ENPEP: variants seen among roughly 807,000 people sequenced by gnomAD.
ENPEP encodes AP-A.
In ENPEP, 103 loss-of-function variants were observed where a neutral mutation model predicts 114.5. That is an observed-to-expected ratio of 0.90 (90% confidence interval 0.77 to 1.06). ENPEP has a LOEUF of 1.06. ENPEP is among the 50% of genes least tolerant of loss of function. The pLI, the probability that ENPEP is intolerant of heterozygous loss-of-function variation, is 0.00. For synonymous variants in ENPEP, 420 were observed against 422.0 expected, an observed-to-expected ratio of 1.00 and a Z score of 0.06; for missense variants, 1,196 against 1,161.3, an observed-to-expected ratio of 1.03 and a Z score of -0.43.
At chr4:110,482,115 A>G (rs28420976) in intron 1 of ENPEP, among the ~76,000 whole-genome samples, 43,176 of 152,112 alleles carry the variant, frequency 0.28, 6,530 homozygotes, top group Non-Finnish European at 0.32. Context: ...TTTTGGATAC[A>G]GATGGCAAAA....
At chr4:110,503,150 C>T (rs959410338) in intron 3 of ENPEP, among the ~76,000 whole-genome samples, 3 of 152,028 alleles carry the variant, frequency 2.0e-5, no homozygotes, top group Non-Finnish European at 2.9e-5. Flanking sequence ...TGAGAATATG[C>T]AGTGTTTGGT....
intron 10 of ENPEP, among the ~76,000 whole-genome samples, chr4:110,524,992 T>A: frequency 6.6e-6 from 1 of 152,266 alleles, no homozygotes; most frequent in East Asian, 1.9e-4. Flanking sequence ...GCTCAAGCGA[T>A]CCTCCTGCCT....
chr4:110,551,841 G>T (rs1427419918), intron 17 of ENPEP, among the ~76,000 whole-genome samples: 1 of 152,148 alleles, frequency 6.6e-6, no homozygotes, highest in Non-Finnish European at 1.5e-5. Context: ...TGCACAGGGA[G>T]ACATGCCACC....
At chr4:110,505,694 T>G (rs1578399162) in intron 3 of ENPEP, among the ~76,000 whole-genome samples, 1 of 152,356 alleles carries the variant, frequency 6.6e-6, no homozygotes, top group East Asian at 1.9e-4. Context: ...CATCTTTTGC[T>G]TTCCTTGAGG....
At chr4:110,504,892 T>C (rs2110349150) in intron 3 of ENPEP, among the ~76,000 whole-genome samples, 1 of 152,302 alleles carries the variant, frequency 6.6e-6, no homozygotes, top group South Asian at 2.1e-4. Context: ...CTCACCATGA[T>C]CTTTCAACTT....
At chr4:110,477,232 T>A (rs1160928442) in intron 1 of ENPEP, among the ~76,000 whole-genome samples, 174 bp downstream of exon 1, 2 of 152,212 alleles carry the variant, frequency 1.3e-5, no homozygotes, top group Non-Finnish European at 2.9e-5. Context: ...CTATTGTATT[T>A]CCAAACCCTG....
Position 110,549,842 on chromosome 4 carries a change from G to T in ENPEP, c.2457G>T (p.Leu819=), listed in dbSNP as rs1005256453. 2 of 1,613,046 alleles carry T rather than the reference G, an allele frequency of 1.2e-6. No individual in the cohort carries two copies. Among genetic ancestry groups the T allele is most frequent in the Non-Finnish European group, 1.7e-6 (2 of 1,179,408 alleles). The part of the protein sequence containing the change: ...KTSLAQEKEK[L]LYGLASVKNV... ...CATTAGCTCAAGAAAAAGAAAAACT[G>T]CTGTATGGATTAGCATCAGTGAAGA... The change falls in exon 17 of 20, where the codon CTG becomes CTT. Residue 819 remains leucine (L), a synonymous_variant. Transcript: ENST00000265162.
At chr4:110,483,212 G>T (rs185672866) in intron 1 of ENPEP, among the ~76,000 whole-genome samples, 60 of 152,084 alleles carry the variant, frequency 3.9e-4, no homozygotes, top group African/African-American at 1.3e-3. Context: ...ATACATAGAG[G>T]TCTGAACAAT....
At chr4:110,504,696 A>G (rs1050529547) in intron 3 of ENPEP, among the ~76,000 whole-genome samples, 2 of 152,200 alleles carry the variant, frequency 1.3e-5, no homozygotes, top group African/African-American at 2.4e-5. Context: ...ATTAACATCA[A>G]TCTTCTTTAA....
At chr4:110,525,610 T>C (rs1045194190) in intron 10 of ENPEP, among the ~76,000 whole-genome samples, 7 of 152,326 alleles carry the variant, frequency 4.6e-5, no homozygotes, top group Admixed American at 4.6e-4. Context: ...TATTGTAAGA[T>C]CAATTATCTT....
chr4:110,488,683 G>A lies in ENPEP; in HGVS notation c.786+1G>A. 1.2e-6 allele frequency: 2 copies of A among 1,606,550 alleles called. No homozygotes were observed. Among genetic ancestry groups the A allele is most frequent in the Non-Finnish European group, 1.7e-6 (2 of 1,177,878 alleles). On this transcript the variant is annotated splice_donor_variant, in intron 2 of 19. Transcript: ENST00000265162. LOFTEE classifies it high-confidence loss of function. ...AGCACTTTCAAATATGCCAGTGGCGGTAAGTATTTTTTAAATGTTTTGTTT... is the reference window on the plus strand; with the variant it reads ...AGCACTTTCAAATATGCCAGTGGCGATAAGTATTTTTTAAATGTTTTGTTT...
chr4:110,525,484 G>A (rs771845156), intron 10 of ENPEP, among the ~76,000 whole-genome samples: 1 of 150,512 alleles, frequency 6.6e-6, no homozygotes, highest in African/African-American at 2.5e-5. Context: ...ATCTTCACCC[G>A]TTCCCACCCA....
chr4:110,505,855 C>A (rs768640234), intron 3 of ENPEP, among the ~76,000 whole-genome samples: 2 of 152,178 alleles, frequency 1.3e-5, no homozygotes, highest in Admixed American at 6.5e-5. Context: ...GAGACCACAT[C>A]TACTTTCACG....
At chr4:110,554,501 C>T (rs995854741) in intron 18 of ENPEP, among the ~76,000 whole-genome samples, 2 of 151,896 alleles carry the variant, frequency 1.3e-5, no homozygotes, top group African/African-American at 4.8e-5. Flanking sequence ...TTGAGTGTCA[C>T]TGTTCACCCA....
chr4:110,545,989 C>T (rs1727039875), intron 13 of ENPEP, among the ~76,000 whole-genome samples: 1 of 152,020 alleles, frequency 6.6e-6, no homozygotes, highest in African/African-American at 2.4e-5. Context: ...ACAGGTAAAC[C>T]TCTTCAAGTG....
At chr4:110,557,277 C>T (rs139032400) in intron 18 of ENPEP, among the ~76,000 whole-genome samples, 140 of 152,248 alleles carry the variant, frequency 9.2e-4, no homozygotes, top group Admixed American at 1.8e-3. Flanking sequence ...CACAAAGTAT[C>T]TTAGGAATTT....
intron 4 of ENPEP, among the ~76,000 whole-genome samples, chr4:110,509,214 A>G (rs907775533): frequency 6.6e-6 from 1 of 152,246 alleles, no homozygotes; most frequent in African/African-American, 2.4e-5. Flanking sequence ...AGAATTAGAG[A>G]AAAATGGAGT....
rs138893713 is a variant in ENPEP, at chr4:110,504,211, C to T, written c.919-2426C>T. 4.8e-3 allele frequency among the ~76,000 whole-genome samples: 726 copies of T among 152,172 alleles called. 6 individuals are homozygous for T. Among genetic ancestry groups the T allele is most frequent in the African/African-American group, 0.016 (650 of 41,496 alleles). On this transcript the variant is annotated intron_variant, in intron 3 of 19. Transcript: ENST00000265162. The stretch of plus-strand genomic sequence containing the variant: ...CCACTACCAATTGGTGCAATCAGCC[C>T]GGGGTCAGGTGGTTGTATTGTGGGC...
chr4:110,502,386 T>C (rs1725196264), intron 3 of ENPEP, among the ~76,000 whole-genome samples: 1 of 152,232 alleles, frequency 6.6e-6, no homozygotes, highest in South Asian at 2.1e-4. Context: ...TCCTAGGTTA[T>C]CTTCCAGGGT....
Sources: gnomAD v4.1 joint callset for allele counts (sites outside exome capture counted in the v4.1 genomes callset) on GRCh38, gnomAD v4.1.1 for gene constraint, MANE v1.5 for transcripts, NCBI Gene and HGNC (gene_info 2026-07-23, HGNC 2026-07-21) for gene names.